CSMD1: variants seen among roughly 807,000 people sequenced by gnomAD.
CSMD1 encodes CUB and sushi domain-containing protein 1.
In CSMD1, 213 loss-of-function variants were observed where a neutral mutation model predicts 417.5. The observed-to-expected ratio is 0.51, with a 90% CI of 0.46 to 0.57. CSMD1 has a LOEUF of 0.57. Ranked by LOEUF, CSMD1 falls within the 20% of genes least tolerant of loss-of-function variation. The pLI is 0.00. For synonymous variants in CSMD1, 2,862 were observed against 1,736.8 expected, an observed-to-expected ratio of 1.65 and a Z score of -16.11; for missense variants, 6,923 against 4,529.7, an observed-to-expected ratio of 1.53 and a Z score of -15.17.
chr8:4,572,086 T>A lies in CSMD1; in HGVS notation c.302+65256A>T, dbSNP rs149211355. The stretch of plus-strand genomic sequence containing the variant: ...TCTTTATTCAATTTTCCAGTCTGTG[T>A]CTTTTAATTGGGGCATTTAGCCCAT... On this transcript the variant is annotated intron_variant, in intron 2 of 69. Transcript: ENST00000635120. 3.4e-3 allele frequency among the ~76,000 whole-genome samples: 521 copies of A among 152,366 alleles called. 1 individual carries two copies. Among genetic ancestry groups the A allele is most frequent in the Non-Finnish European group, 5.6e-3 (381 of 68,044 alleles).
chr8:2,948,116 A>T (rs982900777), intron 68 of CSMD1, among the ~76,000 whole-genome samples: 16 of 152,118 alleles, frequency 1.1e-4, no homozygotes, highest in Non-Finnish European at 4.4e-5. Flanking sequence ...TACTGTGTGA[A>T]TAGTATTCTA....
At chr8:4,362,975 T>C (rs905646391) in intron 3 of CSMD1, among the ~76,000 whole-genome samples, 6 of 152,184 alleles carry the variant, frequency 3.9e-5, no homozygotes, top group African/African-American at 1.2e-4. Context: ...AAAACTGCTA[T>C]CAACAAACAT....
chr8:3,288,317 T>G (rs936921308), intron 25 of CSMD1, among the ~76,000 whole-genome samples: 1 of 147,064 alleles, frequency 6.8e-6, no homozygotes, highest in Non-Finnish European at 1.5e-5. Flanking sequence ...GTTGGCCTCA[T>G]AAAACGAGGG....
chr8:3,240,985 T>C (rs1563175513), intron 26 of CSMD1, among the ~76,000 whole-genome samples: 1 of 150,898 alleles, frequency 6.6e-6, no homozygotes, highest in Non-Finnish European at 1.5e-5. Context: ...GTAAGGGTGA[T>C]TAGTTTTTAA....
chr8:3,688,442 G>C (rs1800058257), intron 7 of CSMD1, among the ~76,000 whole-genome samples: 1 of 152,142 alleles, frequency 6.6e-6, no homozygotes, highest in South Asian at 2.1e-4. Context: ...TACATGATTT[G>C]AGGCAAATGA....
chr8:3,805,729 G>T (rs1240165369), intron 5 of CSMD1, among the ~76,000 whole-genome samples: 1 of 151,982 alleles, frequency 6.6e-6, no homozygotes, highest in South Asian at 2.1e-4. Flanking sequence ...TTTAATTCGA[G>T]AATCTTACTT....
chr8:3,286,629 T>C (rs2117251947), intron 25 of CSMD1, among the ~76,000 whole-genome samples: 1 of 151,578 alleles, frequency 6.6e-6, no homozygotes, highest in African/African-American at 2.4e-5. Flanking sequence ...TGTCTTCTTT[T>C]GAGAAGTGTC....
chr8:2,987,377 T>G (rs1377760756), intron 54 of CSMD1, among the ~76,000 whole-genome samples: 4 of 148,890 alleles, frequency 2.7e-5, no homozygotes, highest in Non-Finnish European at 5.9e-5. Context: ...ATAAGAAATA[T>G]ATAAGTATAT....
intron 5 of CSMD1, among the ~76,000 whole-genome samples, chr8:3,928,764 C>A (rs1172921720): frequency 6.7e-6 from 1 of 148,386 alleles, no homozygotes. Context: ...CAAAGGTGGT[C>A]CAGATCCCAC....
intron 1 of CSMD1, among the ~76,000 whole-genome samples, chr8:4,753,850 G>A (rs928918808): frequency 1.3e-5 from 2 of 152,100 alleles, no homozygotes; most frequent in Admixed American, 6.5e-5. Flanking sequence ...TGTGATAATT[G>A]AACTAGATTC....
chr8:4,068,323 G>T (rs74561091), intron 3 of CSMD1, among the ~76,000 whole-genome samples: 143 of 152,258 alleles, frequency 9.4e-4, no homozygotes, highest in Non-Finnish European at 1.6e-3. Flanking sequence ...AGAGCTGTGA[G>T]GCCAGCATGA....
chr8:4,497,776 G>C lies in CSMD1; in HGVS notation c.303-77711C>G, dbSNP rs189292064. Among the ~76,000 whole-genome samples, 20 of 152,302 alleles carry C rather than the reference G, an allele frequency of 1.3e-4. No individual in the cohort carries two copies. In the East Asian group the frequency reaches 3.9e-3, roughly 29 times the overall value. ...ACAATTCTGCAAGAAATATGTGTAA[G>C]GTCTGAAGCTTAGCAGAAAGATTGG... On this transcript the variant is annotated intron_variant, in intron 2 of 69. Transcript: ENST00000635120.
At chr8:4,101,075 C>A (rs1377432275) in intron 3 of CSMD1, among the ~76,000 whole-genome samples, 1 of 152,146 alleles carries the variant, frequency 6.6e-6, no homozygotes, top group Non-Finnish European at 1.5e-5. Flanking sequence ...CGAGACGGCG[C>A]TGGGTTCAGA....
chr8:4,205,811 A>G (rs951283115), intron 3 of CSMD1, among the ~76,000 whole-genome samples: 3 of 152,230 alleles, frequency 2.0e-5, no homozygotes, highest in African/African-American at 7.2e-5. Context: ...GGGGGTAAAA[A>G]TGGAAAATTC....
In CSMD1 at chr8:3,100,758, C is replaced by T. The variant is rs760924631; in HGVS notation, c.6950-3721G>A. Among the ~76,000 whole-genome samples, 3 of 152,164 alleles carry T rather than the reference C, an allele frequency of 2.0e-5. No homozygotes were observed. The South Asian group carries it at 6.2e-4, about 32-fold the overall frequency. On this transcript the variant is annotated intron_variant, in intron 46 of 69. Transcript: ENST00000635120. ...CGCATCTCATAGGCCTTCAGCAAAA[C>T]TAATAGCAGATGAGGATTAGTACTC...
intron 3 of CSMD1, among the ~76,000 whole-genome samples, chr8:4,147,732 C>T (rs572302952): frequency 9.4e-4 from 143 of 152,194 alleles, no homozygotes; most frequent in Middle Eastern, 3.4e-3. Context: ...CTGAAGCTCA[C>T]CTAGGTTAAC....
chr8:3,444,356 G>A (rs958655664), intron 12 of CSMD1, among the ~76,000 whole-genome samples: 3 of 152,176 alleles, frequency 2.0e-5, no homozygotes, highest in Non-Finnish European at 2.9e-5. Flanking sequence ...CACAATTTTA[G>A]CATCAACAAA....
chr8:4,800,751 T>C (rs1044095770), intron 1 of CSMD1, among the ~76,000 whole-genome samples: 2 of 152,090 alleles, frequency 1.3e-5, no homozygotes, highest in Admixed American at 6.5e-5. Flanking sequence ...GCCACTTTGG[T>C]GGGATGGGCT....
At chr8:3,095,775 C>T (rs866303584) in intron 47 of CSMD1, among the ~76,000 whole-genome samples, 13 of 152,112 alleles carry the variant, frequency 8.5e-5, no homozygotes, top group Admixed American at 2.0e-4. Flanking sequence ...TGGGCTATGA[C>T]GGTTTCACAC....
Sources: gnomAD v4.1 joint callset for allele counts (sites outside exome capture counted in the v4.1 genomes callset) on GRCh38, gnomAD v4.1.1 for gene constraint, MANE v1.5 for transcripts, NCBI Gene and HGNC (gene_info 2026-07-23, HGNC 2026-07-21) for gene names.